Variants in RB1 observed in about 807,000 individuals in gnomAD.
RB1 encodes the protein RB transcriptional corepressor 1, also known as retinoblastoma-associated protein.
A neutral mutation model predicts 135.4 loss-of-function variants in RB1; 18 were observed. The ratio of observed to expected loss-of-function variants is 0.13; its 90% confidence interval spans 0.09 to 0.20. The LOEUF (loss-of-function observed/expected upper bound fraction) is 0.20. Ranked by LOEUF, RB1 falls within the 10% of genes least tolerant of loss-of-function variation. The pLI, the probability that RB1 is intolerant of heterozygous loss-of-function variation, is 1.00. For synonymous variants in RB1, 365 were observed against 373.2 expected, an observed-to-expected ratio of 0.98 and a Z score of 0.25; for missense variants, 868 against 1,110.0, an observed-to-expected ratio of 0.78 and a Z score of 3.10.
chr13:48,377,113 C>G (rs1327526085), intron 13 of RB1, 79 bp downstream of exon 13: 4 of 1,381,496 alleles, frequency 2.9e-6, no homozygotes, highest in Non-Finnish European at 4.1e-6. Context: ...CGTATAAATA[C>G]TCTAACAGTA....
chr13:48,405,302 G>C (rs2138187101), intron 17 of RB1, among the ~76,000 whole-genome samples: 1 of 152,242 alleles, frequency 6.6e-6, no homozygotes, highest in Non-Finnish European at 1.5e-5. Flanking sequence ...GTTTAAAGTT[G>C]ATAAATCAAG....
chr13:48,340,577 AAG>A (rs764421186), intron 2 of RB1, among the ~76,000 whole-genome samples: 3 of 102,040 alleles, frequency 2.9e-5, no homozygotes, highest in African/African-American at 5.1e-5. Context: ...TAATCTTTAA[AAG>A]AGAGAGAGAG....
chr13:48,385,183 AT>A lies in RB1; in HGVS notation c.1695+3743del, dbSNP rs1382624721. On this transcript the variant is annotated intron_variant, in intron 17 of 26. Coordinates refer to ENST00000267163, the MANE Select transcript of RB1 (RefSeq NM_000321.3). ...TCTGGACTCTTCCTATTGATCTCTCATTTGCTACCTTGAGACCATTTCTCTC... is the reference window on the plus strand; with the variant it reads ...TCTGGACTCTTCCTATTGATCTCTCATTGCTACCTTGAGACCATTTCTCTC... Among the ~76,000 whole-genome samples, 12 of 152,152 alleles carry A rather than the reference AT, an allele frequency of 7.9e-5. No individual in the cohort carries two copies. In the East Asian group the frequency reaches 1.5e-3, roughly 20 times the overall value.
chr13:48,319,345 T>G lies in RB1; in HGVS notation c.264+11939T>G. 1.9e-6 allele frequency: 1 copy of G among 513,858 alleles called. No individual in the cohort carries two copies. Among genetic ancestry groups the G allele is most frequent in the East Asian group, 4.5e-5 (1 of 22,340 alleles). 31.8% of individuals were successfully genotyped at this position (513,858 alleles called of 1,614,324 possible). A position where few individuals can be genotyped will look rare whatever the true frequency, so the allele number is the denominator to read the frequency against. On this transcript the variant is annotated intron_variant, in intron 2 of 26. Transcript: ENST00000267163. This position sits in a 1 kb window ranked among gnomAD's most constrained non-coding sequence, Gnocchi z 5.0. ...TGGGGCAGGTCCCCGTTGGCCTCCTTGCGTGTTTGCCGCAGCTAGTACACC... is the reference window on the plus strand; with the variant it reads ...TGGGGCAGGTCCCCGTTGGCCTCCTGGCGTGTTTGCCGCAGCTAGTACACC...
In RB1 at chr13:48,403,271, A is replaced by C. The variant is rs1948709702; in HGVS notation, c.1695+21828A>C. Among the ~76,000 whole-genome samples, 3 of 152,158 alleles carry C rather than the reference A, an allele frequency of 2.0e-5. No homozygotes were observed. The South Asian group carries it at 6.2e-4, about 32-fold the overall frequency. On this transcript the variant is annotated intron_variant, in intron 17 of 26. Transcript: ENST00000267163. ...CATTTATAATGAGATAATGGAACTC[A>C]GTGTATCGGAAGAGCAGACTGAACA...
At chr13:48,305,681 A>G (rs549176425) in intron 1 of RB1, among the ~76,000 whole-genome samples, 2 of 152,366 alleles carry the variant, frequency 1.3e-5, no homozygotes, top group South Asian at 4.1e-4. Context: ...CATACAAGAT[A>G]CAGTCTGTTC....
chr13:48,325,249 C>T (rs889063946), intron 2 of RB1, among the ~76,000 whole-genome samples: 7 of 152,076 alleles, frequency 4.6e-5, no homozygotes, highest in East Asian at 1.9e-4. Flanking sequence ...TCTGTTCCTG[C>T]GTTAGTTTGC....
chr13:48,332,334 C>G (rs1439204965), intron 2 of RB1, among the ~76,000 whole-genome samples: 1 of 152,088 alleles, frequency 6.6e-6, no homozygotes, highest in East Asian at 1.9e-4. Context: ...GTTTGGAGAC[C>G]AAGATAGGAG....
chr13:48,310,801 C>A (rs1952123843), intron 2 of RB1, among the ~76,000 whole-genome samples: 1 of 151,686 alleles, frequency 6.6e-6, no homozygotes, highest in Non-Finnish European at 1.5e-5. Context: ...TATATTAATC[C>A]CTTTAAAGGA....
chr13:48,398,331 A>G (rs1363995527), intron 17 of RB1, among the ~76,000 whole-genome samples: 1 of 152,132 alleles, frequency 6.6e-6, no homozygotes, highest in Non-Finnish European at 1.5e-5. Flanking sequence ...TCCACAGCTA[A>G]ATACTAGTTT....
chr13:48,329,925 C>A (rs1166455473), intron 2 of RB1, among the ~76,000 whole-genome samples: 1 of 152,002 alleles, frequency 6.6e-6, no homozygotes, highest in Non-Finnish European at 1.5e-5. Flanking sequence ...AATCATATGT[C>A]AGGCCATAAA....
intron 17 of RB1, among the ~76,000 whole-genome samples, chr13:48,402,476 CA>C (rs1192151019): frequency 2.0e-5 from 3 of 148,562 alleles, no homozygotes; most frequent in South Asian, 2.1e-4. Context: ...CTCTTGGGCT[CA>C]AGTGATCCTC....
Position 48,322,314 on chromosome 13 carries a change from CAT to C in RB1, c.264+14910_264+14911del, listed in dbSNP as rs1430322814. On this transcript the variant is annotated intron_variant, in intron 2 of 26. Transcript: ENST00000267163. ...TTATCCACTTCTCTGTTGACAGACA[CAT>C]AGGTTGTTTCCATATTACTTAGCTG... is the stretch of plus-strand genomic sequence containing the variant. Among the ~76,000 whole-genome samples, 29 of 152,280 alleles carry C rather than the reference CAT, an allele frequency of 1.9e-4. 2 individuals carry two copies. Among genetic ancestry groups the C allele is most frequent in the African/African-American group, 7.0e-4 (29 of 41,548 alleles).
At chr13:48,321,833 A>G (rs976157844) in intron 2 of RB1, among the ~76,000 whole-genome samples, 5 of 152,082 alleles carry the variant, frequency 3.3e-5, no homozygotes, top group African/African-American at 1.2e-4. Flanking sequence ...TCCAGCCTGG[A>G]CGACAGGAGT....
Position 48,342,718 on chromosome 13 carries a change from A to C in RB1, c.380+4A>C. 6.4e-7 allele frequency: 1 copy of C among 1,567,566 alleles called. No individual in the cohort carries two copies. The highest frequency in any genetic ancestry group is 1.1e-5 in the South Asian group (1 of 90,042). On this transcript the variant is annotated splice_donor_region_variant and intron_variant, in intron 3 of 26. Transcript: ENST00000267163. ...TACAGAAAAACATAGAAATCAGGTA[A>C]AGTTTCTTGTATAAATATAAGCCTC...
At position 48,465,605 on chromosome 13, in the gene RB1, G is replaced by C. The variant is rs989299302; in HGVS notation, c.2489+237G>C. On this transcript the variant is annotated intron_variant, in intron 23 of 26. Coordinates refer to ENST00000267163, the MANE Select transcript of RB1 (RefSeq NM_000321.3). The stretch of plus-strand genomic sequence containing the variant: ...CCGGTCTACAGCTCCCAGCGTGAGC[G>C]ACGCAGAAGACGGGTGATTTCTGCA... Among the ~76,000 whole-genome samples, 3 of 152,080 alleles carry C rather than the reference G, an allele frequency of 2.0e-5. No homozygotes were observed. In the South Asian group the frequency reaches 6.2e-4, roughly 32 times the overall value.
chr13:48,416,870 C>A (rs1198909304), intron 17 of RB1, among the ~76,000 whole-genome samples: 1 of 152,158 alleles, frequency 6.6e-6, no homozygotes, highest in Non-Finnish European at 1.5e-5. Flanking sequence ...TCTCTAGAGT[C>A]CTCCTCTCTG....
At chr13:48,365,188 A>G (rs1474674140) in intron 9 of RB1, among the ~76,000 whole-genome samples, 13 of 152,204 alleles carry the variant, frequency 8.5e-5, no homozygotes, top group Admixed American at 8.5e-4. Context: ...TGTGATTTAT[A>G]CTAGAAATCA....
intron 2 of RB1, among the ~76,000 whole-genome samples, chr13:48,312,284 C>CT (rs1354114560): frequency 1.3e-5 from 2 of 151,954 alleles, no homozygotes; most frequent in African/African-American, 4.8e-5. Context: ...TAGCTGAATA[C>CT]TTTTTACTTT....
Sources: gnomAD v4.1 joint callset for allele counts (sites outside exome capture counted in the v4.1 genomes callset) on GRCh38, gnomAD v4.1.1 for gene constraint, Gnocchi (gnomAD v3.1) non-coding constraint, MANE v1.5 for transcripts, NCBI Gene and HGNC (gene_info 2026-07-23, HGNC 2026-07-21) for gene names.